Variants in GNAQ observed in about 807,000 individuals in gnomAD.
The protein encoded by GNAQ is guanine nucleotide-binding protein G(q) subunit alpha.
A neutral mutation model predicts 43.9 loss-of-function variants in GNAQ; 8 were observed. The observed-to-expected ratio is 0.18, with a 90% CI of 0.11 to 0.33. The LOEUF (loss-of-function observed/expected upper bound fraction) is 0.33, where lower values mean the gene tolerates loss of function less well. Among genes scored for constraint, GNAQ ranks in the 10% least tolerant of loss-of-function variants. The pLI, the probability that GNAQ is intolerant of heterozygous loss-of-function variation, is 1.00. For synonymous variants in GNAQ, 155 were observed against 170.7 expected, an observed-to-expected ratio of 0.91 and a Z score of 0.71; for missense variants, 158 against 450.8, an observed-to-expected ratio of 0.35 and a Z score of 5.88.
chr9:77,879,614 C>G (rs1028425559), intron 2 of GNAQ, among the ~76,000 whole-genome samples: 3 of 152,228 alleles, frequency 2.0e-5, no homozygotes, highest in Non-Finnish European at 4.4e-5. Context: ...AAAGGCATAT[C>G]TTCTAGTTTT....
chr9:77,983,276 A>G (rs879750536), intron 1 of GNAQ, among the ~76,000 whole-genome samples: 2 of 152,206 alleles, frequency 1.3e-5, no homozygotes, highest in Non-Finnish European at 2.9e-5. Flanking sequence ...TCATGCTTTC[A>G]TAGAAAGCAA....
intron 1 of GNAQ, among the ~76,000 whole-genome samples, chr9:77,938,622 G>A (rs1829268087): frequency 1.3e-5 from 2 of 152,154 alleles, no homozygotes; most frequent in African/African-American, 4.8e-5. Flanking sequence ...AGTCTGTGCT[G>A]CAGTGAGAGA....
intron 1 of GNAQ, among the ~76,000 whole-genome samples, chr9:78,027,329 G>A (rs1823994520): frequency 6.6e-6 from 1 of 152,082 alleles, no homozygotes; most frequent in African/African-American, 2.4e-5. Flanking sequence ...TCCAGCAGGA[G>A]GGTAATAAAT....
chr9:77,831,590 A>G (rs1827297960), intron 2 of GNAQ, among the ~76,000 whole-genome samples: 2 of 152,230 alleles, frequency 1.3e-5, no homozygotes, highest in African/African-American at 4.8e-5. Context: ...ACCAGATGAC[A>G]TACGCTTTCA....
chr9:77,878,512 T>C (rs1290977103), intron 2 of GNAQ, among the ~76,000 whole-genome samples: 1 of 152,026 alleles, frequency 6.6e-6, no homozygotes, highest in East Asian at 1.9e-4. Context: ...GCATTGTATA[T>C]AAAATGCCAA....
intron 2 of GNAQ, among the ~76,000 whole-genome samples, chr9:77,835,063 T>C (rs1268885051): frequency 1.3e-5 from 2 of 152,062 alleles, no homozygotes; most frequent in East Asian, 3.9e-4. Context: ...CATTTTTTCC[T>C]ATACATACGT....
intron 2 of GNAQ, among the ~76,000 whole-genome samples, chr9:77,897,916 C>G (rs1828529035): frequency 7.2e-6 from 1 of 138,860 alleles, no homozygotes; most frequent in Non-Finnish European, 1.5e-5. Flanking sequence ...AACTTTTGTT[C>G]ACTAACTTTT....
chr9:78,021,907 G>C lies in GNAQ; in HGVS notation c.136+9193C>G, dbSNP rs143209188. Among the ~76,000 whole-genome samples, 1,105 of 152,298 alleles carry C rather than the reference G, an allele frequency of 7.3e-3. 17 individuals carry two copies. The highest frequency in any genetic ancestry group is 0.025 in the African/African-American group (1,056 of 41,558). ...GCAGCGCTGGAACACTGCGTCTCTC[G>C]GGCTCCACCTCTGTGCCTCCCAGGA... On this transcript the variant is annotated intron_variant, in intron 1 of 6. Transcript: ENST00000286548.
intron 2 of GNAQ, among the ~76,000 whole-genome samples, chr9:77,869,711 T>C (rs930810290): frequency 1.3e-5 from 2 of 152,170 alleles, no homozygotes; most frequent in Non-Finnish European, 2.9e-5. Context: ...TACATAATTT[T>C]ATGATCTGCT....
chr9:77,734,721 AT>A (rs140830506), intron 5 of GNAQ, among the ~76,000 whole-genome samples: 2,672 of 152,238 alleles, frequency 0.018, 85 homozygotes, highest in African/African-American at 0.061. Flanking sequence ...TGTGATGATA[AT>A]TTCTGTGTTC....
chr9:77,769,054 TCCTTGAAC>T lies in GNAQ; in HGVS notation c.735+25401_735+25408del, dbSNP rs376556434. ...GACAGAGGGCAAGGTAAACCTTTGC[TCCTTGAAC>T]CCCACTGAAGTAGCACCTCATGTTA... On this transcript the variant is annotated intron_variant, in intron 5 of 6. Coordinates refer to ENST00000286548, the MANE Select transcript of GNAQ (RefSeq NM_002072.5). Among the ~76,000 whole-genome samples, 215 of 152,310 alleles carry T rather than the reference TCCTTGAAC, an allele frequency of 1.4e-3. 3 individuals carry two copies. The highest frequency in any genetic ancestry group is 5.0e-3 in the African/African-American group (206 of 41,566).
intron 1 of GNAQ, among the ~76,000 whole-genome samples, chr9:77,939,711 T>C (rs999016016): frequency 1.3e-5 from 2 of 152,008 alleles, no homozygotes; most frequent in African/African-American, 4.8e-5. Context: ...AATTTTAGAG[T>C]AGGTAATTAT....
intron 2 of GNAQ, among the ~76,000 whole-genome samples, chr9:77,904,316 G>GATTTT: frequency 9.7e-6 from 1 of 103,256 alleles, no homozygotes; most frequent in Non-Finnish European, 1.9e-5. Context: ...GTTCACACCG[G>GATTTT]CTTTTTTTTT....
intron 2 of GNAQ, among the ~76,000 whole-genome samples, chr9:77,899,007 T>A (rs1828549231): frequency 6.6e-6 from 1 of 152,222 alleles, no homozygotes; most frequent in Non-Finnish European, 1.5e-5. Context: ...GTACTATAAT[T>A]TACTTCCTTA....
At chr9:78,030,953 T>A (rs1216248289) in intron 1 of GNAQ, 147 bp downstream of exon 1, 2 of 405,194 alleles carry the variant, frequency 4.9e-6, no homozygotes, top group Admixed American at 4.8e-5. Context: ...CCCGCGCGGG[T>A]GAAGGCAGTG....
intron 5 of GNAQ, among the ~76,000 whole-genome samples, chr9:77,786,562 C>G (rs1210649382): frequency 6.6e-6 from 1 of 152,010 alleles, no homozygotes; most frequent in East Asian, 1.9e-4. Context: ...AGGGATGGGA[C>G]TCCAGTGAAG....
intron 1 of GNAQ, among the ~76,000 whole-genome samples, chr9:77,971,731 G>A (rs1823239275): frequency 6.6e-6 from 1 of 152,166 alleles, no homozygotes; most frequent in South Asian, 2.1e-4. Flanking sequence ...AGACAAGAAT[G>A]CCCTCTCTCA....
rs1255591672 is a variant in GNAQ, at chr9:77,987,010, T to C, written c.136+44090A>G. On this transcript the variant is annotated intron_variant, in intron 1 of 6. Transcript: ENST00000286548. ...ACATATGAAAGAAATGGTTCCTAAGTGATGGAAACAATTCAAGATATTAAA... is the reference window on the plus strand; with the variant it reads ...ACATATGAAAGAAATGGTTCCTAAGCGATGGAAACAATTCAAGATATTAAA... Among the ~76,000 whole-genome samples, 6 of 152,088 alleles carry C rather than the reference T, an allele frequency of 3.9e-5. No homozygotes were observed. In the East Asian group the frequency reaches 1.2e-3, roughly 29 times the overall value.
intron 1 of GNAQ, among the ~76,000 whole-genome samples, chr9:77,936,763 T>C (rs927145045): frequency 6.6e-6 from 1 of 152,194 alleles, no homozygotes; most frequent in Non-Finnish European, 1.5e-5. Flanking sequence ...CCAAAAGCTG[T>C]AGCCTAACGC....
Sources: gnomAD v4.1 joint callset for allele counts (sites outside exome capture counted in the v4.1 genomes callset) on GRCh38, gnomAD v4.1.1 for gene constraint, MANE v1.5 for transcripts, NCBI Gene and HGNC (gene_info 2026-07-23, HGNC 2026-07-21) for gene names.